FMNL2: variants seen among roughly 807,000 people sequenced by gnomAD.
FMNL2 encodes the protein formin-like protein 2.
Under a neutral mutation model 130.2 loss-of-function variants are expected in FMNL2, and 51 were observed. That is an observed-to-expected ratio of 0.39 (90% CI 0.31 to 0.49). The LOEUF (loss-of-function observed/expected upper bound fraction) is 0.49, where lower values mean the gene tolerates loss of function less well. FMNL2 is among the 20% of genes least tolerant of loss of function. FMNL2 has a pLI of 0.85. For missense variants in FMNL2, 977 were observed against 1,316.2 expected (o/e 0.74, Z 3.99); for synonymous variants, 465 against 467.1 (o/e 1.00, Z 0.06).
At chr2:152,615,377 T>G (rs1175198379) in intron 12 of FMNL2, among the ~76,000 whole-genome samples, 1 of 152,148 alleles carries the variant, frequency 6.6e-6, no homozygotes, top group Non-Finnish European at 1.5e-5. Flanking sequence ...ATCAACTATG[T>G]CCACACAAAC....
At chr2:152,365,135 T>C (rs982218014) in intron 1 of FMNL2, among the ~76,000 whole-genome samples, 1 of 152,156 alleles carries the variant, frequency 6.6e-6, no homozygotes, top group Non-Finnish European at 1.5e-5. Context: ...TAGGAATATG[T>C]ATTAAATGGG....
chr2:152,534,184 T>C (rs1693860967), intron 2 of FMNL2, among the ~76,000 whole-genome samples: 1 of 152,212 alleles, frequency 6.6e-6, no homozygotes, highest in Non-Finnish European at 1.5e-5. Flanking sequence ...TTTTCAATTA[T>C]TATGTTCACA....
At chr2:152,552,960 G>A (rs1695018893) in intron 4 of FMNL2, among the ~76,000 whole-genome samples, 1 of 152,250 alleles carries the variant, frequency 6.6e-6, no homozygotes, top group Non-Finnish European at 1.5e-5. Flanking sequence ...TTCATCCTCA[G>A]TGCAAGGTCA....
intron 2 of FMNL2, among the ~76,000 whole-genome samples, chr2:152,536,298 T>TAA (rs1316534743): frequency 6.6e-6 from 1 of 152,222 alleles, no homozygotes; most frequent in African/African-American, 2.4e-5. Context: ...TTTTAGAGGG[T>TAA]AAAACCCTTG....
intron 2 of FMNL2, among the ~76,000 whole-genome samples, chr2:152,537,078 T>C (rs1238093248): frequency 1.3e-5 from 2 of 152,118 alleles, no homozygotes; most frequent in Non-Finnish European, 2.9e-5. Context: ...GGAGGACATG[T>C]AGGGAGAGGA....
intron 9 of FMNL2, among the ~76,000 whole-genome samples, chr2:152,595,494 T>A (rs963178016): frequency 6.6e-6 from 1 of 152,156 alleles, no homozygotes; most frequent in African/African-American, 2.4e-5. Context: ...AATTTTTGTA[T>A]TTTTAGTAGA....
intron 1 of FMNL2, among the ~76,000 whole-genome samples, chr2:152,397,154 A>G (rs1685438934): frequency 6.6e-6 from 1 of 152,266 alleles, no homozygotes; most frequent in South Asian, 2.1e-4. Flanking sequence ...GGGTTCACCA[A>G]ATCCTGCTTT....
At chr2:152,335,917 G>A (rs1384640738) in intron 1 of FMNL2, among the ~76,000 whole-genome samples, 197 bp downstream of exon 1, 1 of 151,668 alleles carries the variant, frequency 6.6e-6, no homozygotes, top group Non-Finnish European at 1.5e-5. Context: ...GTCTCTCGGG[G>A]TCCCGGGATG....
chr2:152,551,884 C>G (rs923422597), intron 4 of FMNL2, among the ~76,000 whole-genome samples: 1 of 152,158 alleles, frequency 6.6e-6, no homozygotes, highest in Non-Finnish European at 1.5e-5. Flanking sequence ...GTCACAATGT[C>G]ACGTACCTGT....
At chr2:152,589,474 G>A (rs1281700461) in intron 9 of FMNL2, among the ~76,000 whole-genome samples, 15 of 152,152 alleles carry the variant, frequency 9.9e-5, no homozygotes, top group Admixed American at 9.8e-4. Context: ...ATAACGAGGA[G>A]AACCCCAAGA....
rs771613134 is a variant in FMNL2, at chr2:152,618,886, G to A, written c.1355G>A (p.Arg452Lys). 6.2e-7 allele frequency: 1 copy of A among 1,610,112 alleles called. No homozygotes were observed. The highest frequency in any genetic ancestry group is 8.5e-7 in the Non-Finnish European group (1 of 1,178,672). Residue 452 changes from arginine to lysine, a missense_variant, in exon 14 of 26, where the codon AGA (arginine) becomes AAA (lysine). Physicochemically the swap from Arg to Lys is conservative, Grantham distance 26 (BLOSUM62 2). Around this residue, in one of 4 missense-constraint regions of FMNL2, gnomAD observed 689 missense variants for 995.9 expected, o/e 0.69. Transcript: ENST00000288670. ...KDANTQVHTL[R>K]KMVKEKEEAI... ...GCAAATACTCAAGTTCACACATTAAGAAAAATGGTCAAAGAAAAAGAAGAA... is the reference window on the plus strand; with the variant it reads ...GCAAATACTCAAGTTCACACATTAAAAAAAATGGTCAAAGAAAAAGAAGAA...
At chr2:152,345,938 G>A (rs911510481) in intron 1 of FMNL2, among the ~76,000 whole-genome samples, 8 of 152,138 alleles carry the variant, frequency 5.3e-5, no homozygotes, top group African/African-American at 1.9e-4. Context: ...GTTTGGCTTA[G>A]AAATCTCCAG....
chr2:152,335,805 C>A, intron 1 of FMNL2, 85 bp downstream of exon 1: 1 of 1,026,250 alleles, frequency 9.7e-7, no homozygotes, highest in Non-Finnish European at 1.3e-6. Context: ...CCCTTCACCC[C>A]GTGCCGGGAG....
At chr2:152,620,974 T>A (rs908175909) in intron 15 of FMNL2, 1 of 985,292 alleles carries the variant, frequency 1.0e-6, no homozygotes, top group Non-Finnish European at 1.2e-6. Flanking sequence ...CTTTTATTAC[T>A]TCTGAAGGAG....
chr2:152,380,672 T>A (rs1456333979), intron 1 of FMNL2, among the ~76,000 whole-genome samples: 1 of 152,250 alleles, frequency 6.6e-6, no homozygotes, highest in Non-Finnish European at 1.5e-5. Context: ...TAGGCTGAGC[T>A]CATAGCTAGC....
At chr2:152,433,279 G>A (rs1048331703) in intron 1 of FMNL2, among the ~76,000 whole-genome samples, 4 of 152,264 alleles carry the variant, frequency 2.6e-5, no homozygotes, top group South Asian at 2.1e-4. Flanking sequence ...AATTCACTGC[G>A]TTTCAACTAT....
chr2:152,573,370 G>A (rs183908232), intron 6 of FMNL2, among the ~76,000 whole-genome samples: 572 of 152,266 alleles, frequency 3.8e-3, no homozygotes, highest in Non-Finnish European at 5.4e-3. Context: ...AGCTGTAGGC[G>A]GTAGCTTTTT....
chr2:152,361,595 A>G (rs17398773), intron 1 of FMNL2, among the ~76,000 whole-genome samples: 77,949 of 152,072 alleles, frequency 0.51, 24,124 homozygotes, highest in Non-Finnish European at 0.72. Context: ...AGATAGCATC[A>G]TTCTCATAAA....
intron 1 of FMNL2, 77 bp downstream of exon 1, chr2:152,335,797 C>A: frequency 9.2e-7 from 1 of 1,086,744 alleles, no homozygotes; most frequent in Non-Finnish European, 1.2e-6. Context: ...CGCCCCTCCC[C>A]TTCACCCCGT....
Sources: allele counts gnomAD v4.1 joint callset (sites outside exome capture counted in the v4.1 genomes callset), GRCh38; gene constraint gnomAD v4.1.1; regional missense constraint gnomAD v4.1.1; transcripts MANE v1.5; gene names NCBI Gene and HGNC (gene_info 2026-07-23, HGNC 2026-07-21).